The following CFLAR variants were observed in gnomAD, a reference collection of about 807,000 sequenced individuals.
The protein encoded by CFLAR is CASP8 and FADD like apoptosis regulator.
CFLAR carries 14 observed loss-of-function variants against 51.1 expected under a neutral mutation model. The observed-to-expected ratio is 0.27, with a 90% CI of 0.18 to 0.43. CFLAR has a LOEUF of 0.43. CFLAR is among the 20% of genes least tolerant of loss of function. The pLI, the probability that CFLAR is intolerant of heterozygous loss-of-function variation, is 1.00. For missense variants in CFLAR, 390 were observed against 566.5 expected (o/e 0.69, Z 3.16); for synonymous variants, 210 against 211.6 (o/e 0.99, Z 0.06).
At chr2:201,155,119 A>G (rs1159105079) in intron 8 of CFLAR, among the ~76,000 whole-genome samples, 2 of 152,236 alleles carry the variant, frequency 1.3e-5, no homozygotes, top group African/African-American at 4.8e-5. Context: ...GTCATCTTTA[A>G]GCACTGGACT....
At chr2:201,158,667 CAG>C (rs1030901607) in intron 8 of CFLAR, among the ~76,000 whole-genome samples, 14 of 152,104 alleles carry the variant, frequency 9.2e-5, no homozygotes, top group African/African-American at 2.9e-4. Context: ...CCTGCACCCT[CAG>C]AGGAGATGGC....
intron 4 of CFLAR, 116 bp downstream of exon 4, chr2:201,136,223 C>T: frequency 6.2e-7 from 1 of 1,608,896 alleles, no homozygotes; most frequent in Non-Finnish European, 8.5e-7. Flanking sequence ...CCTGGATGAC[C>T]AAAGCCTCCT....
In CFLAR at chr2:201,141,240, G is replaced by T. The variant is rs967163217; in HGVS notation, c.606+801G>T. On this transcript the variant is annotated intron_variant, in intron 5 of 9. Coordinates refer to ENST00000309955, the MANE Select transcript of CFLAR (RefSeq NM_003879.7). ...AGCAAAACTCTGTCTCAAAAAAAATGTTTTCTTCCTACCCCTATAATACTG... is the reference window on the plus strand; with the variant it reads ...AGCAAAACTCTGTCTCAAAAAAAATTTTTTCTTCCTACCCCTATAATACTG... The T allele has an allele frequency of 5.8e-6, 7 of 1,202,310 alleles. No individual in the cohort carries two copies. The South Asian group carries it at 1.5e-4, about 26-fold the overall frequency. The allele number at this position is 1,202,310 out of a possible 1,614,324, so 74.5% of individuals were successfully genotyped here. A position where few individuals can be genotyped will look rare whatever the true frequency, so the allele number is the denominator to read the frequency against.
rs1279338480 is a variant in CFLAR, at chr2:201,166,613, GGCGGCT to G, written c.*2642_*2647del. On this transcript the variant is annotated 3_prime_UTR_variant, in exon 10 of 10. Coordinates refer to ENST00000309955, the MANE Select transcript of CFLAR (RefSeq NM_003879.7). ...CTCGGCACCCTGGGGGGCCAAGGCA[GGCGGCT>G]GGGAGGCGGAGGCCGTAGCCAGCTG... The G allele has an allele frequency of 5.6e-6, 1 of 179,730 alleles. No homozygotes were observed. Among genetic ancestry groups the G allele is most frequent in the Non-Finnish European group, 1.2e-5 (1 of 86,548 alleles). The allele number at this position is 179,730 out of a possible 1,614,324, so 11.1% of individuals were successfully genotyped here. A position where few individuals can be genotyped will look rare whatever the true frequency, so the allele number is the denominator to read the frequency against.
Position 201,174,186 on chromosome 2 carries a change from AACC to A in CFLAR, c.*10215_*10217del, listed in dbSNP as rs1944131835. On this transcript the variant is annotated 3_prime_UTR_variant, in exon 10 of 10. Transcript: ENST00000309955. ...TATGCTTTTGGTGTCATACCTAAAA[AACC>A]ATTGTCTAAATCAATTGCCTATGAG... The A allele has an allele frequency of 6.6e-6, 1 of 150,440 alleles. No individual in the cohort carries two copies. The highest frequency in any genetic ancestry group is 6.6e-5 in the Admixed American group (1 of 15,266). The allele number at this position is 150,440 out of a possible 1,614,324, so 9.3% of individuals were successfully genotyped here. A position where few individuals can be genotyped will look rare whatever the true frequency, so the allele number is the denominator to read the frequency against.
At chr2:201,134,917 G>A (rs1014796540) in intron 3 of CFLAR, among the ~76,000 whole-genome samples, 1 of 152,070 alleles carries the variant, frequency 6.6e-6, no homozygotes, top group African/African-American at 2.4e-5. Context: ...AAAATGGGAA[G>A]GAAAATGAAA....
At chr2:201,126,271 T>C (rs1230644238) in intron 1 of CFLAR, among the ~76,000 whole-genome samples, 1 of 152,158 alleles carries the variant, frequency 6.6e-6, no homozygotes, top group Admixed American at 6.5e-5. Context: ...TACAGGAAAG[T>C]AAACAGTTCC....
chr2:201,146,926 T>C (rs927497801), intron 6 of CFLAR, among the ~76,000 whole-genome samples: 2 of 152,178 alleles, frequency 1.3e-5, no homozygotes, highest in Non-Finnish European at 2.9e-5. Flanking sequence ...CTACCTAATA[T>C]TGTGCTCTCC....
At chr2:201,137,561 G>A (rs1451205023) in intron 4 of CFLAR, 55 of 712,678 alleles carry the variant, frequency 7.7e-5, no homozygotes, top group East Asian at 6.7e-4. Flanking sequence ...GGATGCCACC[G>A]TCGATCTGGG....
intron 4 of CFLAR, chr2:201,137,880 A>G: frequency 2.5e-6 from 2 of 800,178 alleles, no homozygotes; most frequent in Non-Finnish European, 4.5e-6. Flanking sequence ...GGGGGCCTCC[A>G]TGGTGGCGGC....
intron 2 of CFLAR, 98 bp downstream of exon 2, chr2:201,130,244 C>A: frequency 8.7e-7 from 1 of 1,149,140 alleles, no homozygotes; most frequent in Non-Finnish European, 1.2e-6. Context: ...AGAAGTGCAG[C>A]CACTTTACTG....
rs540073791 is a variant in CFLAR at position 201,125,035 on chromosome 2, A to G, written c.-137-4694A>G. Among the ~76,000 whole-genome samples the G allele has an allele frequency of 3.2e-4, 48 of 152,338 alleles. No homozygotes were observed. The Middle Eastern group carries it at 0.01, about 32-fold the overall frequency. On this transcript the variant is annotated intron_variant, in intron 1 of 9. Coordinates refer to ENST00000309955, the MANE Select transcript of CFLAR (RefSeq NM_003879.7). ...CAAACGAGGCACTGGCTTCAGGACA[A>G]CATGTGAGGGGGTGCTCAAAAAGTC...
At position 201,174,231 on chromosome 2, in the gene CFLAR, T is replaced by C. The variant is rs995799958; in HGVS notation, c.*10258T>C. ...GCCTATGAGGTGTTACCCCTATGTTTTCTTCTAAAGTTTTATGATTTTAGC... is the reference window on the plus strand; with the variant it reads ...GCCTATGAGGTGTTACCCCTATGTTCTCTTCTAAAGTTTTATGATTTTAGC... On this transcript the variant is annotated 3_prime_UTR_variant, in exon 10 of 10. Transcript: ENST00000309955. 2 of 152,330 alleles carry C rather than the reference T, an allele frequency of 1.3e-5. No homozygotes were observed. The highest frequency in any genetic ancestry group is 4.8e-5 in the African/African-American group (2 of 41,570). The allele number at this position is 152,330 out of a possible 1,614,324, so 9.4% of individuals were successfully genotyped here.
chr2:201,136,496 C>A (rs187218323), intron 4 of CFLAR: 1 of 1,580,542 alleles, frequency 6.3e-7, no homozygotes, highest in African/African-American at 1.3e-5. Flanking sequence ...TCACTTGGGT[C>A]TCATACCTTC....
rs113403031 is a variant in CFLAR at position 201,150,711 on chromosome 2, G to T, written c.793+876G>T. ...AGAATGTGTGAAGGATCTCACAAGA[G>T]ATTTTAGGGACCAGGCCTAAAAGTG... is the stretch of plus-strand genomic sequence containing the variant. On this transcript the variant is annotated intron_variant, in intron 8 of 9. Coordinates refer to ENST00000309955, the MANE Select transcript of CFLAR (RefSeq NM_003879.7). Among the ~76,000 whole-genome samples the T allele has an allele frequency of 8.0e-3, 1,211 of 152,240 alleles. 21 individuals are homozygous for T. Among genetic ancestry groups the T allele is most frequent in the African/African-American group, 0.028 (1,172 of 41,536 alleles).
intron 9 of CFLAR, among the ~76,000 whole-genome samples, chr2:201,161,257 A>G (rs925240938): frequency 1.3e-5 from 2 of 152,014 alleles, no homozygotes; most frequent in Admixed American, 1.3e-4. Flanking sequence ...TATAGTCCCA[A>G]CTGCTTGGGA....
At chr2:201,140,509 T>G in intron 5 of CFLAR, 70 bp downstream of exon 5, 58 of 1,044,362 alleles carry the variant, frequency 5.6e-5, no homozygotes, top group Non-Finnish European at 7.1e-5. Flanking sequence ...AATATGCATA[T>G]TCTCACAGCA....
In CFLAR at chr2:201,149,828, T is replaced by C. The variant is rs1181287006; in HGVS notation, c.786T>C (p.Asn262=). ...GCCTGATAATCGATTGCATTGGCAATGAGACAGGTAGGTGTGGAAGCTGCA... is the reference window on the plus strand; with the variant it reads ...GCCTGATAATCGATTGCATTGGCAACGAGACAGGTAGGTGTGGAAGCTGCA... ...GICLIIDCIG[N]ETELLRDTFT... The change falls in exon 8 of 10, where the codon AAT becomes AAC. Residue 262 remains asparagine (N), a synonymous_variant. Transcript: ENST00000309955. 6.2e-7 allele frequency: 1 copy of C among 1,611,706 alleles called. No homozygotes were observed. Among genetic ancestry groups the C allele is most frequent in the African/African-American group, 1.3e-5 (1 of 74,870 alleles).
chr2:201,119,015 C>G (rs1286292966), intron 1 of CFLAR: 1 of 152,252 alleles, frequency 6.6e-6, no homozygotes, highest in Non-Finnish European at 1.5e-5. Context: ...TGAGTCCTCG[C>G]TTTTGGCCCT....
Sources: allele counts gnomAD v4.1 joint callset (sites outside exome capture counted in the v4.1 genomes callset), GRCh38; gene constraint gnomAD v4.1.1; transcripts MANE v1.5; gene names NCBI Gene and HGNC (gene_info 2026-07-23, HGNC 2026-07-21).